The following AGBL1 variants were observed in gnomAD, a reference collection of about 807,000 sequenced individuals.
AGBL1 encodes the protein cytosolic carboxypeptidase 4.
A neutral mutation model predicts 118.9 loss-of-function variants in AGBL1; 130 were observed. The ratio of observed to expected loss-of-function variants is 1.09; its 90% CI spans 0.95 to 1.26. The LOEUF (loss-of-function observed/expected upper bound fraction) is 1.26. Among genes scored for constraint, AGBL1 ranks in the 50% most tolerant of loss-of-function variants. The pLI is 0.00. For missense variants in AGBL1, 1,584 were observed against 1,298.1 expected (o/e 1.22, Z -3.38); for synonymous variants, 555 against 478.9 (o/e 1.16, Z -2.08).
At chr15:86,399,408 G>T (rs1455113163) in intron 18 of AGBL1, among the ~76,000 whole-genome samples, 1 of 152,074 alleles carries the variant, frequency 6.6e-6, no homozygotes, top group Non-Finnish European at 1.5e-5. Context: ...ATCCAAGTTG[G>T]CTCTTTTCTG....
chr15:86,557,692 A>G (rs1222062610), intron 21 of AGBL1, among the ~76,000 whole-genome samples: 1 of 152,182 alleles, frequency 6.6e-6, no homozygotes, highest in Non-Finnish European at 1.5e-5. Flanking sequence ...GTGTCTCGAT[A>G]AAATCCACCT....
intron 15 of AGBL1, among the ~76,000 whole-genome samples, chr15:86,273,675 G>C (rs1265292908): frequency 1.3e-5 from 2 of 152,060 alleles, no homozygotes; most frequent in African/African-American, 4.8e-5. Flanking sequence ...ATTAATTTGG[G>C]AGAACTTTAC....
At chr15:86,176,367 G>A (rs2077481700) in intron 5 of AGBL1, among the ~76,000 whole-genome samples, 1 of 152,218 alleles carries the variant, frequency 6.6e-6, no homozygotes, top group Admixed American at 6.5e-5. Context: ...CTCCAAGCCT[G>A]CTGAAAGCAC....
intron 23 of AGBL1, among the ~76,000 whole-genome samples, chr15:86,976,162 T>G (rs2081174622): frequency 6.6e-6 from 1 of 150,678 alleles, no homozygotes; most frequent in Non-Finnish European, 1.5e-5. Context: ...TTATTTATGA[T>G]TTTACTTATT....
chr15:86,988,599 G>A (rs2081307833), intron 24 of AGBL1, among the ~76,000 whole-genome samples: 2 of 152,054 alleles, frequency 1.3e-5, no homozygotes, highest in East Asian at 1.9e-4. Context: ...ATTACATAAG[G>A]ATTTATCACT....
chr15:86,102,148 C>T lies in AGBL1; in HGVS notation c.51+22125C>T, dbSNP rs147485750. On this transcript the variant is annotated intron_variant, in intron 1 of 22. Coordinates refer to ENST00000614907, the MANE Select transcript of AGBL1 (RefSeq NM_001386094.1). The stretch of plus-strand genomic sequence containing the variant: ...CTCCGCCTCCCAGGTTCAAGCGATC[C>T]GCTCACCTCAGCCTCCTGAGTAGCT... 6.8e-4 allele frequency among the ~76,000 whole-genome samples: 104 copies of T among 151,988 alleles called. 1 individual carries two copies. In the Middle Eastern group the frequency reaches 0.01, roughly 15 times the overall value.
At chr15:86,261,123 C>G (rs2078975717) in intron 9 of AGBL1, among the ~76,000 whole-genome samples, 1 of 152,188 alleles carries the variant, frequency 6.6e-6, no homozygotes, top group East Asian at 1.9e-4. Flanking sequence ...AACCCCTGCT[C>G]TAAGGCTAAG....
chr15:86,349,178 T>G (rs531463202), intron 17 of AGBL1, among the ~76,000 whole-genome samples: 1 of 152,330 alleles, frequency 6.6e-6, no homozygotes, highest in African/African-American at 2.4e-5. Context: ...AAATATGGCC[T>G]GGTAACATCT....
At chr15:86,220,182 C>T (rs11635181) in intron 5 of AGBL1, among the ~76,000 whole-genome samples, 23,988 of 151,986 alleles carry the variant, frequency 0.16, 2,676 homozygotes, top group Non-Finnish European at 0.24. Context: ...TTGAACTCTT[C>T]ACCTTGTGAT....
At chr15:86,739,667 C>G in intron 22 of AGBL1, among the ~76,000 whole-genome samples, 1 of 152,042 alleles carries the variant, frequency 6.6e-6, no homozygotes, top group Admixed American at 6.5e-5. Context: ...CTTAGAATAA[C>G]AGACTTACCT....
At chr15:86,839,328 A>G (rs1187254947) in intron 22 of AGBL1, among the ~76,000 whole-genome samples, 1 of 152,198 alleles carries the variant, frequency 6.6e-6, no homozygotes. Context: ...TGCTTTAGTA[A>G]TCGTCAGACA....
rs1440046655 is a variant in AGBL1 at position 86,817,646 on chromosome 15, CAG to C, written c.3159-89439_3159-89438del. On this transcript the variant is annotated intron_variant, in intron 22 of 22. Coordinates refer to ENST00000614907, the MANE Select transcript of AGBL1 (RefSeq NM_001386094.1). ...AGGCATACACACACACACACACACA[CAG>C]ACACACACACACACACACAGAAAGA... 2.4e-4 allele frequency among the ~76,000 whole-genome samples: 34 copies of C among 144,266 alleles called. 1 individual carries two copies. The highest frequency in any genetic ancestry group is 8.3e-4 in the African/African-American group (33 of 39,578). The allele number at this position is 144,266 out of a possible 152,430, so 94.6% of individuals were successfully genotyped here.
intron 9 of AGBL1, 182 bp from the exon 10 acceptor site, chr15:86,262,596 T>C: frequency 1.5e-6 from 1 of 669,434 alleles, no homozygotes; most frequent in East Asian, 2.8e-5. Flanking sequence ...TTTATCTTCT[T>C]TCTTTTTATT....
chr15:86,595,032 A>G (rs958655376), intron 21 of AGBL1, among the ~76,000 whole-genome samples: 1 of 152,106 alleles, frequency 6.6e-6, no homozygotes, highest in Admixed American at 6.6e-5. Context: ...CTTTCAGGAC[A>G]CCACCTTTTC....
At chr15:86,276,172 A>G (rs1462834069) in intron 15 of AGBL1, among the ~76,000 whole-genome samples, 1 of 152,138 alleles carries the variant, frequency 6.6e-6, no homozygotes, top group Non-Finnish European at 1.5e-5. Context: ...TTTTTCTATT[A>G]TTTTAGACTG....
intron 18 of AGBL1, among the ~76,000 whole-genome samples, chr15:86,510,635 T>G (rs138400886): frequency 4.6e-5 from 7 of 152,250 alleles, no homozygotes; most frequent in African/African-American, 1.7e-4. Context: ...ATGATATTTT[T>G]CTATTAAAGA....
At chr15:87,014,170 T>A (rs1393138646) in intron 24 of AGBL1, among the ~76,000 whole-genome samples, 1 of 152,176 alleles carries the variant, frequency 6.6e-6, no homozygotes, top group Non-Finnish European at 1.5e-5. Flanking sequence ...ATTTAGAAAG[T>A]CTTAAGTTTT....
intron 22 of AGBL1, among the ~76,000 whole-genome samples, chr15:86,715,069 A>G (rs2086617591): frequency 6.6e-6 from 1 of 152,158 alleles, no homozygotes; most frequent in Admixed American, 6.5e-5. Context: ...TTGCTGGCCC[A>G]GACGTGGGAA....
At chr15:86,556,103 T>C (rs1173464780) in intron 21 of AGBL1, 1 of 688,838 alleles carries the variant, frequency 1.5e-6, no homozygotes, top group Non-Finnish European at 2.4e-6. Context: ...AAACAGCTTC[T>C]AGTCACGTAA....
Sources: allele counts gnomAD v4.1 joint callset (sites outside exome capture counted in the v4.1 genomes callset), GRCh38; gene constraint gnomAD v4.1.1; transcripts MANE v1.5; gene names NCBI Gene and HGNC (gene_info 2026-07-23, HGNC 2026-07-21).